Variants in MYOM1 observed in about 807,000 individuals in gnomAD.
MYOM1 encodes the protein myomesin 1.
A neutral mutation model predicts 205.3 loss-of-function variants in MYOM1; 164 were observed. That is an observed-to-expected ratio of 0.80 (90% CI 0.70 to 0.91). The LOEUF (loss-of-function observed/expected upper bound fraction) is 0.91. Ranked by LOEUF, MYOM1 falls within the 40% of genes least tolerant of loss-of-function variation. MYOM1 has a pLI of 0.00. For missense variants in MYOM1, 2,011 were observed against 2,127.3 expected (o/e 0.95, Z 1.08); for synonymous variants, 772 against 789.4 (o/e 0.98, Z 0.37).
At chr18:3,101,794 A>G (rs2079379762) in intron 23 of MYOM1, among the ~76,000 whole-genome samples, 1 of 152,160 alleles carries the variant, frequency 6.6e-6, no homozygotes, top group African/African-American at 2.4e-5. Flanking sequence ...CATAAATGAG[A>G]TAATAAATAA....
At chr18:3,088,546 G>T (rs143370860) in intron 29 of MYOM1, among the ~76,000 whole-genome samples, 2,644 of 152,192 alleles carry the variant, frequency 0.017, 43 homozygotes, top group South Asian at 0.072. Context: ...ACCTGTCCTT[G>T]TCAGCCAGCA....
intron 2 of MYOM1, among the ~76,000 whole-genome samples, chr18:3,196,905 G>A (rs532557983): frequency 3.9e-5 from 6 of 152,120 alleles, no homozygotes; most frequent in South Asian, 2.1e-4. Context: ...GTTCAACTTC[G>A]TAACAGGAAA....
the MYOM1 span, among the ~76,000 whole-genome samples, chr18:3,238,797 CAGCTTCTAG>C: frequency 6.6e-6 from 1 of 151,966 alleles, no homozygotes; most frequent in Non-Finnish European, 1.5e-5. Flanking sequence ...TAGCCTGTTT[CAGCTTCTAG>C]AGGCTTCCTG....
chr18:3,129,114 C>T (rs1218379219), intron 18 of MYOM1, 118 bp downstream of exon 18: 4 of 1,289,574 alleles, frequency 3.1e-6, no homozygotes, highest in Non-Finnish European at 4.2e-6. Flanking sequence ...GCTGAAAACA[C>T]ATACAATAAG....
intron 14 of MYOM1, among the ~76,000 whole-genome samples, chr18:3,136,366 T>C (rs2079965805): frequency 6.6e-6 from 1 of 152,168 alleles, no homozygotes; most frequent in Admixed American, 6.5e-5. Context: ...ACAAAAGTCT[T>C]ATTTTGAGGA....
At chr18:3,084,114 C>G in intron 31 of MYOM1, 87 bp from the exon 32 acceptor site, 1 of 1,417,468 alleles carries the variant, frequency 7.1e-7, no homozygotes, top group Non-Finnish European at 9.7e-7. Flanking sequence ...TCAAAAATTC[C>G]CTTTCTGGTT....
chr18:3,247,293 A>C, the MYOM1 span: 1 of 152,264 alleles, frequency 6.6e-6, no homozygotes, highest in Non-Finnish European at 1.5e-5. Context: ...TAGCATCAAG[A>C]TCCGCTCCCG....
chr18:3,135,188 G>GGGCTCAAGCA lies in MYOM1; in HGVS notation c.2209+358_2209+359insTGCTTGAGCC. ...TGGTCTCAAACTCTTGGACTCAGGT[G>GGGCTCAAGCA]ATCTGCCTGCCTCGGCCTCCCAAAG... On this transcript the variant is annotated intron_variant, in intron 15 of 37. Coordinates refer to ENST00000356443, the MANE Select transcript of MYOM1 (RefSeq NM_003803.4). This position sits in a 1 kb window ranked among gnomAD's most constrained non-coding sequence, Gnocchi z 4.1. The GGGCTCAAGCA allele has an allele frequency of 3.5e-6, 1 of 283,026 alleles. No individual in the cohort carries two copies. The highest frequency in any genetic ancestry group is 6.7e-6 in the Non-Finnish European group (1 of 148,376). The allele number at this position is 283,026 out of a possible 1,614,324, so 17.5% of individuals were successfully genotyped here.
At chr18:3,203,788 G>A (rs978003033) in intron 2 of MYOM1, among the ~76,000 whole-genome samples, 2 of 149,928 alleles carry the variant, frequency 1.3e-5, no homozygotes, top group Non-Finnish European at 3.0e-5. Flanking sequence ...TACAAGGTCA[G>A]TATTACATGA....
At chr18:3,132,206 C>A (rs2079888713) in intron 16 of MYOM1, among the ~76,000 whole-genome samples, 1 of 150,728 alleles carries the variant, frequency 6.6e-6, no homozygotes, top group African/African-American at 2.4e-5. Flanking sequence ...GGCTGGAGTG[C>A]AGTAGTGCAA....
intron 5 of MYOM1, among the ~76,000 whole-genome samples, chr18:3,180,208 A>G (rs561143507): frequency 1.7e-4 from 26 of 152,236 alleles, no homozygotes; most frequent in African/African-American, 6.3e-4. Context: ...CTTTCTTTCC[A>G]TTACTACTCA....
intron 8 of MYOM1, among the ~76,000 whole-genome samples, chr18:3,171,541 A>G (rs1156882332): frequency 1.3e-5 from 2 of 152,166 alleles, no homozygotes; most frequent in African/African-American, 4.8e-5. Flanking sequence ...AAGACAACAC[A>G]TCATTTCGTT....
chr18:3,136,272 G>A (rs2079964329), intron 14 of MYOM1, among the ~76,000 whole-genome samples: 2 of 152,008 alleles, frequency 1.3e-5, no homozygotes, highest in Admixed American at 6.6e-5. Flanking sequence ...ACATGAAAAT[G>A]GACTAATACA....
At chr18:3,193,544 G>A (rs527924982) in intron 3 of MYOM1, among the ~76,000 whole-genome samples, 5 of 152,004 alleles carry the variant, frequency 3.3e-5, no homozygotes, top group South Asian at 4.1e-4. Context: ...ACCATCCTAC[G>A]TGATGGCAAA....
rs191926923 is a variant in MYOM1 at position 3,090,865 on chromosome 18, A to T, written c.3865-63T>A. The T allele has an allele frequency of 2.4e-4, 377 of 1,595,320 alleles. No individual in the cohort carries two copies. In the African/African-American group the frequency reaches 4.4e-3, roughly 19 times the overall value. ...GGCATATATTTTACTTGGAATGACA[A>T]CAAGCTTGATGAAATAAAAATAAAC... On this transcript the variant is annotated intron_variant, in intron 26 of 37. Coordinates refer to ENST00000356443, the MANE Select transcript of MYOM1 (RefSeq NM_003803.4).
At chr18:3,141,839 T>A in intron 14 of MYOM1, 100 bp downstream of exon 14, 1 of 1,442,400 alleles carries the variant, frequency 6.9e-7, no homozygotes, top group African/African-American at 1.4e-5. Flanking sequence ...ACATGCTCCC[T>A]CCTCCTCCCT....
rs74494844 is a variant in MYOM1, at chr18:3,195,582, T to A, written c.291-1624A>T. On this transcript the variant is annotated intron_variant, in intron 2 of 37. Transcript: ENST00000356443. ...ATTTTTTCCCCTGTTTCCAGAACAG[T>A]TGGATTTCTAATTTCTCTCCTGTTT... Among the ~76,000 whole-genome samples, 580 of 152,340 alleles carry A rather than the reference T, an allele frequency of 3.8e-3. 4 individuals are homozygous for A. The highest frequency in any genetic ancestry group is 0.013 in the African/African-American group (556 of 41,576).
At chr18:3,091,315 TAA>T (rs747420612) in intron 26 of MYOM1, among the ~76,000 whole-genome samples, 4 of 138,358 alleles carry the variant, frequency 2.9e-5, no homozygotes, top group Non-Finnish European at 3.2e-5. Flanking sequence ...AAACTCTGTC[TAA>T]AAAAAAAAAA....
intron 2 of MYOM1, among the ~76,000 whole-genome samples, chr18:3,208,524 TA>T (rs1283004412): frequency 6.6e-6 from 1 of 151,502 alleles, no homozygotes; most frequent in African/African-American, 2.4e-5. Context: ...TCCCATCTAT[TA>T]AAAAAAAACC....
Sources: allele counts gnomAD v4.1 joint callset (sites outside exome capture counted in the v4.1 genomes callset), GRCh38; gene constraint gnomAD v4.1.1; non-coding constraint Gnocchi (gnomAD v3.1); transcripts MANE v1.5; gene names NCBI Gene and HGNC (gene_info 2026-07-23, HGNC 2026-07-21).